The following PLXNB2 variants were observed in gnomAD, a reference collection of about 807,000 sequenced individuals.
The protein encoded by PLXNB2 is plexin B2.
PLXNB2 carries 85 observed loss-of-function variants against 202.6 expected under a neutral mutation model. The ratio of observed to expected loss-of-function variants is 0.42; its 90% confidence interval spans 0.35 to 0.50. The LOEUF is 0.50. Ranked by LOEUF, PLXNB2 falls within the 20% of genes least tolerant of loss-of-function variation. The pLI is 0.02. For missense variants in PLXNB2, 2,063 were observed against 2,586.2 expected, an observed-to-expected ratio of 0.80 and a Z score of 4.39; for synonymous variants, 1,239 against 1,137.6, an observed-to-expected ratio of 1.09 and a Z score of -1.79.
intron 2 of PLXNB2, among the ~76,000 whole-genome samples, chr22:50,293,834 A>C (rs2067067807): frequency 6.6e-6 from 1 of 152,192 alleles, no homozygotes; most frequent in Admixed American, 6.5e-5. Context: ...TACAGGAAGA[A>C]GGCTCTCCTG....
chr22:50,276,522 C>T, intron 35 of PLXNB2, 107 bp downstream of exon 35: 1 of 982,952 alleles, frequency 1.0e-6, no homozygotes. Context: ...CCCACCCTCT[C>T]TCCCCCTCAG....
chr22:50,286,309 G>A, intron 8 of PLXNB2, 22 bp from the exon 9 acceptor site: 2 of 1,572,786 alleles, frequency 1.3e-6, no homozygotes, highest in Non-Finnish European at 1.7e-6. Flanking sequence ...AGAGGGGGAG[G>A]TGTCAAGGTG....
intron 2 of PLXNB2, among the ~76,000 whole-genome samples, chr22:50,294,369 C>T (rs1448023108): frequency 2.6e-5 from 4 of 151,312 alleles, no homozygotes; most frequent in African/African-American, 7.3e-5. Flanking sequence ...GCCCACAAAG[C>T]GTCTGCACAG....
rs1482903831 is a variant in PLXNB2 at position 50,278,025 on chromosome 22, A to T, written c.4888-12T>A. 1 of 1,559,290 alleles carries T rather than the reference A, an allele frequency of 6.4e-7. No homozygotes were observed. Among genetic ancestry groups the T allele is most frequent in the Non-Finnish European group, 8.7e-7 (1 of 1,148,276 alleles). The stretch of plus-strand genomic sequence containing the variant: ...TGCTGCAGTGTGCCCTGTGGGGGGG[A>T]GGGTCTCAGCGTGACGCCGTGGGCG... On this transcript the variant is annotated splice_polypyrimidine_tract_variant and intron_variant, in intron 31 of 36. Transcript: ENST00000359337.
chr22:50,279,098 G>A lies in PLXNB2; in HGVS notation c.4390-87C>T, dbSNP rs2065812945. On this transcript the variant is annotated intron_variant, in intron 27 of 36. Coordinates refer to ENST00000359337, the MANE Select transcript of PLXNB2 (RefSeq NM_012401.4). ...AGCCACTCCCTGCCCCGCCAGCTTT[G>A]CCCACCACAGCGGCACCCTTGGGCA... is the stretch of plus-strand genomic sequence containing the variant. 2.6e-5 allele frequency: 37 copies of A among 1,404,932 alleles called. No homozygotes were observed. The South Asian group carries it at 4.6e-4, about 17-fold the overall frequency. The allele number at this position is 1,404,932 out of a possible 1,614,324, so 87.0% of individuals were successfully genotyped here. A position where few individuals can be genotyped will look rare whatever the true frequency, so the allele number is the denominator to read the frequency against.
At position 50,282,749 on chromosome 22, in the gene PLXNB2, G is replaced by A. The variant is rs746421581; in HGVS notation, c.2949C>T (p.Pro983=). 95 of 1,567,542 alleles carry A rather than the reference G, an allele frequency of 6.1e-5. No homozygotes were observed. Among genetic ancestry groups the A allele is most frequent in the South Asian group, 5.9e-4 (52 of 88,096 alleles). Residue 983 remains proline, a synonymous_variant, in exon 18 of 37, where the codon CCC becomes CCT. Coordinates refer to ENST00000359337, the MANE Select transcript of PLXNB2 (RefSeq NM_012401.4). ...GTAGCGGCTCGAAGGCTCGCAGTAC[G>A]GGGTTTTCGCGGTAGGTGAAGAAGA... ...PGIFFTYREN[P]VLRAFEPLRS...
Position 50,286,265 on chromosome 22 carries a change from C to T in PLXNB2, c.1785G>A (p.Gln595=). Residue 595 remains glutamine, a synonymous_variant, in exon 9 of 37, where the codon CAG becomes CAA. Coordinates refer to ENST00000359337, the MANE Select transcript of PLXNB2 (RefSeq NM_012401.4). ...AGATGTTGCCTCGTCTAAGGAGGAG[C>T]TGGATGGTCACGGCCACGTGGTCTG... ...PGQDHVAVTI[Q]LLLRRGNIFL... 1 of 1,613,066 alleles carries T rather than the reference C, an allele frequency of 6.2e-7. No individual in the cohort carries two copies. Among genetic ancestry groups the T allele is most frequent in the South Asian group, 1.1e-5 (1 of 91,084 alleles).
At position 50,289,023 on chromosome 22, in the gene PLXNB2, C is replaced by T. The variant is rs774489198; in HGVS notation, c.1188G>A (p.Thr396=). 4.3e-5 allele frequency: 70 copies of T among 1,609,920 alleles called. No individual in the cohort carries two copies. The highest frequency in any genetic ancestry group is 6.7e-5 in the African/African-American group (5 of 74,864). The change falls in exon 4 of 37, where the codon ACG becomes ACA. Residue 396 remains threonine (T), a synonymous_variant. Coordinates refer to ENST00000359337, the MANE Select transcript of PLXNB2 (RefSeq NM_012401.4). The surrounding 1 kb of genome is among the most constrained non-coding windows in gnomAD (Gnocchi z 8.0). The part of the protein sequence containing the change: ...QRGGLNLTAV[T]VAAENNHTVA... ...CAGTGTGGTTGTTCTCGGCGGCGAC[C>T]GTCACGGCCGTGAGGTTCAGGCCTC...
At chr22:50,281,809 C>G in intron 20 of PLXNB2, 45 bp downstream of exon 20, 1 of 1,588,650 alleles carries the variant, frequency 6.3e-7, no homozygotes, top group Non-Finnish European at 8.6e-7. Flanking sequence ...GCTCTCAGCC[C>G]AGACCCGAGC....
At chr22:50,304,888 G>A (rs889594386) in intron 1 of PLXNB2, among the ~76,000 whole-genome samples, 1 of 152,202 alleles carries the variant, frequency 6.6e-6, no homozygotes, top group Non-Finnish European at 1.5e-5. Flanking sequence ...TGAATTCTGA[G>A]CAGCTCACCA....
chr22:50,278,628 A>G lies in PLXNB2; in HGVS notation c.4615T>C (p.Trp1539Arg). The G allele has an allele frequency of 1.9e-6, 3 of 1,612,984 alleles. No individual in the cohort carries two copies. Among genetic ancestry groups the G allele is most frequent in the Non-Finnish European group, 2.5e-6 (3 of 1,179,834 alleles). Residue 1539 changes from tryptophan (W) to arginine (R), a missense_variant, in exon 29 of 37, where the codon TGG becomes CGG. Physicochemically the swap from Trp to Arg is moderately radical, Grantham distance 101. Transcript: ENST00000359337. ...TGCATAAGGGTGTTGACGCGCTTCC[A>G]CCGGCCCTCCCGCTGTGACGTCAGG... ...LDLTSQREGR[W>R]KRVNTLMHYN...
In PLXNB2 at chr22:50,288,538, G is replaced by A. The variant is rs113214119; in HGVS notation, c.1380+205C>T. ...ACCACAAAGGACAAACAGAAGGAGCGGCAGAGACGGGGCAGTGCTAGAGAG... is the reference window on the plus strand; with the variant it reads ...ACCACAAAGGACAAACAGAAGGAGCAGCAGAGACGGGGCAGTGCTAGAGAG... On this transcript the variant is annotated intron_variant, in intron 5 of 36. Transcript: ENST00000359337. The surrounding 1 kb of genome is among the most constrained non-coding windows in gnomAD (Gnocchi z 5.0). 1.1e-3 allele frequency among the ~76,000 whole-genome samples: 162 copies of A among 152,204 alleles called. No individual in the cohort carries two copies. The highest frequency in any genetic ancestry group is 3.5e-3 in the African/African-American group (146 of 41,532).
intron 35 of PLXNB2, among the ~76,000 whole-genome samples, 199 bp downstream of exon 35, chr22:50,276,430 T>TGGATGGAGCCACAGGGAG (rs1601667928): frequency 2.3e-3 from 8 of 3,518 alleles, no homozygotes; most frequent in South Asian, 0.01. Context: ...GGGCAGGGCC[T>TGGATGGAGCCACAGGGAG]GGCTCCAAGC....
chr22:50,276,192 T>C (rs940301854), intron 35 of PLXNB2, among the ~76,000 whole-genome samples: 1 of 148,862 alleles, frequency 6.7e-6, no homozygotes, highest in Non-Finnish European at 1.5e-5. Context: ...CGCACGGCTG[T>C]GGATGGACCC....
Position 50,276,787 on chromosome 22 carries a change from C to A in PLXNB2, c.5261+55G>T, listed in dbSNP as rs376140936. On this transcript the variant is annotated intron_variant, in intron 34 of 36. Coordinates refer to ENST00000359337, the MANE Select transcript of PLXNB2 (RefSeq NM_012401.4). Reference sequence around the variant, plus strand: ...GGGGAAACCAAGGCCTGAACCTCCCCGCAGGGGGTCGAGGGTGGGCATGGG... The same window carrying A: ...GGGGAAACCAAGGCCTGAACCTCCCAGCAGGGGGTCGAGGGTGGGCATGGG... The A allele has an allele frequency of 3.6e-5, 57 of 1,597,188 alleles. No homozygotes were observed. In the African/African-American group the frequency reaches 6.3e-4, roughly 18 times the overall value.
rs200429266 is a variant in PLXNB2, at chr22:50,281,963, C to T, written c.3236G>A (p.Arg1079His). ...CCCGGCCTCTGTTCTGAGCAGGGCA[C>T]GGTGCCCGTCCATCTCGATCAGCAC... is the stretch of plus-strand genomic sequence containing the variant. ...LTVLIEMDGH[R>H]ALLRTEAGAF... Residue 1079 changes from arginine to histidine, a missense_variant, in exon 20 of 37, where the codon CGT becomes CAT. Physicochemically the swap from Arg to His is conservative, Grantham distance 29. This residue lies in a region of PLXNB2 where 760 missense variants were observed against 1,109.4 expected (regional missense o/e 0.69). Transcript: ENST00000359337. 7.1e-5 allele frequency: 114 copies of T among 1,612,908 alleles called. No homozygotes were observed. The highest frequency in any genetic ancestry group is 9.1e-5 in the Non-Finnish European group (107 of 1,179,942).
Position 50,287,283 on chromosome 22 carries a change from C to A in PLXNB2, c.1609-19G>T. 1 of 1,467,428 alleles carries A rather than the reference C, an allele frequency of 6.8e-7. No homozygotes were observed. Among genetic ancestry groups the A allele is most frequent in the South Asian group, 1.4e-5 (1 of 71,712 alleles). The allele number at this position is 1,467,428 out of a possible 1,614,324, so 90.9% of individuals were successfully genotyped here. ...GCTGCACCTGAGGGAGGGGCCGTGC[C>A]GCTCACACTGGGAACCCCGAGTCCT... On this transcript the variant is annotated intron_variant, in intron 7 of 36. Coordinates refer to ENST00000359337, the MANE Select transcript of PLXNB2 (RefSeq NM_012401.4).
At chr22:50,298,426 C>T (rs765352383) in intron 1 of PLXNB2, among the ~76,000 whole-genome samples, 3 of 152,148 alleles carry the variant, frequency 2.0e-5, no homozygotes, top group African/African-American at 7.2e-5. Context: ...GTCTGGCCCC[C>T]GCCCCTCCCA....
At chr22:50,276,725 T>C (rs1440556458) in intron 34 of PLXNB2, 21 bp from the exon 35 acceptor site, 1 of 1,611,712 alleles carries the variant, frequency 6.2e-7, no homozygotes. Flanking sequence ...GGGAGCATCA[T>C]ACAGTGTGGG....
Sources: allele counts gnomAD v4.1 joint callset (sites outside exome capture counted in the v4.1 genomes callset), GRCh38; gene constraint gnomAD v4.1.1; regional missense constraint gnomAD v4.1.1; non-coding constraint Gnocchi (gnomAD v3.1); transcripts MANE v1.5; gene names NCBI Gene and HGNC (gene_info 2026-07-23, HGNC 2026-07-21).